Variants in AMMECR1 observed in about 807,000 individuals in gnomAD.
The protein encoded by AMMECR1 is AMMECR nuclear protein 1.
In AMMECR1, 3 loss-of-function variants were observed where a neutral mutation model predicts 22.5. The ratio of observed to expected loss-of-function variants is 0.13; its 90% confidence interval spans 0.06 to 0.35. The LOEUF is 0.35. Among genes scored for constraint, AMMECR1 ranks in the 10% least tolerant of loss-of-function variants. The pLI, the probability that AMMECR1 is intolerant of heterozygous loss-of-function variation, is 1.00. For synonymous variants in AMMECR1, 130 were observed against 116.7 expected (o/e 1.11, Z -0.74); for missense variants, 235 against 278.7 (o/e 0.84, Z 1.12).
At chrX:110,428,276 T>C (rs757539499) in intron 1 of AMMECR1, among the ~76,000 whole-genome samples, 3 of 111,824 alleles carry the variant, frequency 2.7e-5, no homozygotes, top group Non-Finnish European at 5.6e-5. Context: ...AATCTAAATG[T>C]AATCTGATCC....
chrX:110,294,069 G>A (rs376726140), intron 1 of AMMECR1, among the ~76,000 whole-genome samples: 11 of 111,638 alleles, frequency 9.9e-5, no homozygotes, highest in Admixed American at 5.7e-4. Flanking sequence ...TTAAAATTTC[G>A]TAATTTAAAA....
chrX:110,197,170 T>C lies in AMMECR1; in HGVS notation c.*1350A>G, dbSNP rs148662980. 1 of 112,132 alleles carries C rather than the reference T, an allele frequency of 8.9e-6. No homozygotes were observed. The highest frequency in any genetic ancestry group is 2.8e-4 in the East Asian group (1 of 3,558). 9.2% of individuals were successfully genotyped at this position (112,132 alleles called of 1,213,427 possible). A position where few individuals can be genotyped will look rare whatever the true frequency, so the allele number is the denominator to read the frequency against. On this transcript the variant is annotated 3_prime_UTR_variant, in exon 6 of 6. Coordinates refer to ENST00000262844, the MANE Select transcript of AMMECR1 (RefSeq NM_015365.3). The stretch of plus-strand genomic sequence containing the variant: ...TTGCAGATGAGCTGGGCTCTAACTA[T>C]AGCATATCTGAATGCCAACTCCATT...
intron 2 of AMMECR1, among the ~76,000 whole-genome samples, chrX:110,363,026 C>A (rs757329754): frequency 8.9e-6 from 1 of 112,029 alleles, no homozygotes; most frequent in East Asian, 2.8e-4. Flanking sequence ...CAGGTCTGCC[C>A]AACTCCAGAG....
chrX:110,271,048 G>C (rs748639866), intron 1 of AMMECR1, among the ~76,000 whole-genome samples: 1 of 111,491 alleles, frequency 9.0e-6, no homozygotes, highest in African/African-American at 3.3e-5. Flanking sequence ...TCTGAGGCAG[G>C]GTCGAGAAGT....
intron 1 of AMMECR1, among the ~76,000 whole-genome samples, chrX:110,310,877 C>A (rs1408972269): frequency 8.9e-6 from 1 of 111,825 alleles, no homozygotes; most frequent in African/African-American, 3.3e-5. Flanking sequence ...TTAGTCTCCC[C>A]TATCTTGAGA....
chrX:110,410,249 G>A (rs907674075), intron 2 of AMMECR1, among the ~76,000 whole-genome samples: 1 of 111,616 alleles, frequency 9.0e-6, no homozygotes, highest in Non-Finnish European at 1.9e-5. Context: ...AGTGTGGGAA[G>A]AAGGACCTTA....
At chrX:110,344,153 C>T (rs1450169807) in intron 2 of AMMECR1, among the ~76,000 whole-genome samples, 1 of 111,687 alleles carries the variant, frequency 9.0e-6, no homozygotes, top group Non-Finnish European at 1.9e-5. Context: ...GAGATACAGA[C>T]CAATGGAACA....
intron 2 of AMMECR1, among the ~76,000 whole-genome samples, chrX:110,260,438 T>G (rs1220809744): frequency 9.0e-6 from 1 of 111,134 alleles, no homozygotes; most frequent in East Asian, 2.8e-4. Flanking sequence ...TTTAAAAAAC[T>G]TAATTCAGGA....
At chrX:110,396,492 A>G (rs1208748891) in intron 2 of AMMECR1, among the ~76,000 whole-genome samples, 5 of 112,169 alleles carry the variant, frequency 4.5e-5, no homozygotes, top group Non-Finnish European at 5.6e-5. Context: ...CTTGAGCACT[A>G]CACTGGAGTT....
intron 1 of AMMECR1, among the ~76,000 whole-genome samples, chrX:110,295,832 C>T (rs749114111): frequency 9.0e-6 from 1 of 111,611 alleles, no homozygotes; most frequent in African/African-American, 3.2e-5. Flanking sequence ...GCTCTATTCC[C>T]TCCCTCCCCC....
chrX:110,278,340 C>T (rs1342009118), intron 1 of AMMECR1, among the ~76,000 whole-genome samples: 1 of 111,910 alleles, frequency 8.9e-6, no homozygotes, highest in East Asian at 2.8e-4. Context: ...GTAAACTGAG[C>T]TAGTATCTAA....
intron 1 of AMMECR1, among the ~76,000 whole-genome samples, chrX:110,429,480 T>G (rs1264511481): frequency 1.6e-5 from 1 of 64,372 alleles, no homozygotes. Flanking sequence ...TTTTGTTTTG[T>G]TTTTTTGGTT....
intron 2 of AMMECR1, among the ~76,000 whole-genome samples, chrX:110,375,552 G>C (rs1193942164): frequency 9.0e-6 from 1 of 110,565 alleles, no homozygotes; most frequent in Non-Finnish European, 1.9e-5. Flanking sequence ...ATGAATGAAT[G>C]AATGAATGAA....
intron 2 of AMMECR1, among the ~76,000 whole-genome samples, chrX:110,229,808 T>C (rs1035168190): frequency 8.9e-6 from 1 of 112,259 alleles, no homozygotes; most frequent in Non-Finnish European, 1.9e-5. Context: ...GCCCAAATAC[T>C]ATGCTTTTAC....
intron 1 of AMMECR1, among the ~76,000 whole-genome samples, chrX:110,294,668 T>A (rs1313622539): frequency 8.9e-6 from 1 of 112,126 alleles, no homozygotes; most frequent in African/African-American, 3.2e-5. Context: ...AAAAGCTGAT[T>A]TTCTTCCCAG....
At position 110,196,444 on chromosome X, in the gene AMMECR1, G is replaced by C. The variant is rs2067371971; in HGVS notation, c.*2076C>G. On this transcript the variant is annotated 3_prime_UTR_variant, in exon 6 of 6. Transcript: ENST00000262844. ...TTTTTGCAGCAGACAATATCATTCA[G>C]CTTGTGCTCAGTTTCCCTATAAGGG... is the stretch of plus-strand genomic sequence containing the variant. 9.6e-6 allele frequency: 1 copy of C among 104,081 alleles called. No homozygotes were observed. Among genetic ancestry groups the C allele is most frequent in the Non-Finnish European group, 2.0e-5 (1 of 51,269 alleles). 8.6% of individuals were successfully genotyped at this position (104,081 alleles called of 1,213,427 possible).
chrX:110,291,156 A>G (rs1401995415), intron 1 of AMMECR1, among the ~76,000 whole-genome samples: 2 of 111,560 alleles, frequency 1.8e-5, no homozygotes, highest in African/African-American at 6.5e-5. Context: ...GAAAATATAA[A>G]GATGAAGACA....
chrX:110,224,933 T>C, intron 2 of AMMECR1: 1 of 343,241 alleles, frequency 2.9e-6, no homozygotes, highest in Non-Finnish European at 5.5e-6. Context: ...GTCTCCAAGC[T>C]GTTTTTTTTT....
At chrX:110,374,556 T>G (rs763157447) in intron 2 of AMMECR1, among the ~76,000 whole-genome samples, 3 of 112,072 alleles carry the variant, frequency 2.7e-5, no homozygotes, top group Non-Finnish European at 5.6e-5. Context: ...GGCTGTCAAA[T>G]GAGGTCCTCT....
Sources: gnomAD v4.1 joint callset for allele counts (sites outside exome capture counted in the v4.1 genomes callset) on GRCh38, gnomAD v4.1.1 for gene constraint, MANE v1.5 for transcripts, NCBI Gene and HGNC (gene_info 2026-07-23, HGNC 2026-07-21) for gene names.